ATP6V0A4: variants seen among roughly 807,000 people sequenced by gnomAD.
The protein encoded by ATP6V0A4 is ATPase H+ transporting V0 subunit a4.
In ATP6V0A4, 86 loss-of-function variants were observed where a neutral mutation model predicts 107.3. That is an observed-to-expected ratio of 0.80 (90% CI 0.67 to 0.96). ATP6V0A4 has a LOEUF of 0.96. Among genes scored for constraint, ATP6V0A4 ranks in the 40% least tolerant of loss-of-function variants. The pLI is 0.00. For missense variants in ATP6V0A4, 908 were observed against 1,045.6 expected (o/e 0.87, Z 1.81); for synonymous variants, 353 against 381.4 (o/e 0.93, Z 0.87).
intron 2 of ATP6V0A4, among the ~76,000 whole-genome samples, chr7:138,774,874 C>T (rs1355089313): frequency 6.6e-6 from 1 of 152,078 alleles, no homozygotes. Context: ...TCAGCTTCCG[C>T]TGTGGCCCAG....
chr7:138,785,434 C>T (rs894820724), intron 2 of ATP6V0A4, among the ~76,000 whole-genome samples: 1 of 151,976 alleles, frequency 6.6e-6, no homozygotes, highest in African/African-American at 2.4e-5. Context: ...CACCACCACG[C>T]CCGGTTAATT....
At chr7:138,786,662 G>C (rs2130209363) in intron 1 of ATP6V0A4, among the ~76,000 whole-genome samples, 1 of 151,958 alleles carries the variant, frequency 6.6e-6, no homozygotes, top group East Asian at 1.9e-4. Flanking sequence ...AGGAGAGAGA[G>C]AGAGACAGAT....
At chr7:138,774,305 G>T (rs1807538343) in intron 2 of ATP6V0A4, among the ~76,000 whole-genome samples, 1 of 152,078 alleles carries the variant, frequency 6.6e-6, no homozygotes, top group African/African-American at 2.4e-5. Context: ...GGGGCCGGGC[G>T]CCGTGGCTCA....
chr7:138,784,279 T>TATATATATAC (rs1375136956), intron 2 of ATP6V0A4, among the ~76,000 whole-genome samples: 7 of 35,730 alleles, frequency 2.0e-4, no homozygotes, highest in African/African-American at 6.5e-4. Flanking sequence ...TATATATATA[T>TATATATATAC]ACATATATAT....
chr7:138,757,825 C>T (rs1806586467), intron 8 of ATP6V0A4, among the ~76,000 whole-genome samples: 1 of 152,226 alleles, frequency 6.6e-6, no homozygotes, highest in African/African-American at 2.4e-5. Flanking sequence ...TAGTCAACGT[C>T]ACGTCAACTC....
At chr7:138,743,457 C>G (rs1365435091) in intron 14 of ATP6V0A4, among the ~76,000 whole-genome samples, 2 of 125,344 alleles carry the variant, frequency 1.6e-5, no homozygotes, top group Non-Finnish European at 3.3e-5. Flanking sequence ...GACTCCATCT[C>G]AAAAAAAAAA....
chr7:138,791,571 C>A (rs1808414506), intron 1 of ATP6V0A4, among the ~76,000 whole-genome samples: 1 of 152,134 alleles, frequency 6.6e-6, no homozygotes, highest in African/African-American at 2.4e-5. Flanking sequence ...AATTTAAAAA[C>A]AGCCAAAAAA....
intron 20 of ATP6V0A4, among the ~76,000 whole-genome samples, chr7:138,713,755 G>T (rs1002704158): frequency 5.9e-5 from 9 of 152,086 alleles, no homozygotes; most frequent in African/African-American, 2.2e-4. Flanking sequence ...CAGGCAAGGG[G>T]GCTGCAGGGG....
At chr7:138,753,071 A>T (rs945670572) in intron 10 of ATP6V0A4, among the ~76,000 whole-genome samples, 4 of 152,102 alleles carry the variant, frequency 2.6e-5, no homozygotes, top group Admixed American at 2.6e-4. Flanking sequence ...TCATTGTCCT[A>T]TTGTTATGGG....
At chr7:138,787,181 C>G (rs945458966) in intron 1 of ATP6V0A4, among the ~76,000 whole-genome samples, 6 of 152,176 alleles carry the variant, frequency 3.9e-5, no homozygotes, top group African/African-American at 1.4e-4. Context: ...GGTAGCTTTC[C>G]AGTTGTTTCT....
chr7:138,756,750 G>C (rs1268292530), intron 8 of ATP6V0A4: 1 of 218,122 alleles, frequency 4.6e-6, no homozygotes, highest in African/African-American at 2.4e-5. Flanking sequence ...CAGCCTTAAG[G>C]TGACAGGCTC....
chr7:138,769,160 A>G lies in ATP6V0A4; in HGVS notation c.196+13T>C, dbSNP rs764740028. 4.4e-6 allele frequency: 7 copies of G among 1,607,736 alleles called. No homozygotes were observed. The highest frequency in any genetic ancestry group is 3.3e-5 in the South Asian group (3 of 90,594). On this transcript the variant is annotated intron_variant, in intron 4 of 21. Coordinates refer to ENST00000310018, the MANE Select transcript of ATP6V0A4 (RefSeq NM_020632.3). ...TTTGAACAGTAAGAAAAAAAAAAAA[A>G]AAATTGGCTTACGGAGGATTCTCTC...
At chr7:138,713,741 A>C (rs1803871464) in intron 20 of ATP6V0A4, among the ~76,000 whole-genome samples, 1 of 152,148 alleles carries the variant, frequency 6.6e-6, no homozygotes, top group South Asian at 2.1e-4. Context: ...AGAAGGGACT[A>C]TTTCAGGCAA....
chr7:138,743,599 G>C (rs1805750978), intron 14 of ATP6V0A4, among the ~76,000 whole-genome samples: 1 of 152,214 alleles, frequency 6.6e-6, no homozygotes, highest in Non-Finnish European at 1.5e-5. Flanking sequence ...TGGTGAGCCA[G>C]TAAGACCCGT....
intron 15 of ATP6V0A4, among the ~76,000 whole-genome samples, chr7:138,735,147 G>A (rs1469646872): frequency 1.3e-5 from 2 of 152,136 alleles, no homozygotes. Flanking sequence ...TGGTCGTGCA[G>A]GGGGCTGGTG....
intron 3 of ATP6V0A4, among the ~76,000 whole-genome samples, chr7:138,769,636 C>G (rs1256121134): frequency 1.3e-5 from 2 of 152,068 alleles, no homozygotes. Context: ...ATTTTATTAT[C>G]TTTTTAATAC....
chr7:138,752,643 C>A lies in ATP6V0A4; in HGVS notation c.1011G>T (p.Arg337Ser). The A allele has an allele frequency of 1.2e-6, 2 of 1,613,600 alleles. No homozygotes were observed. Among genetic ancestry groups the A allele is most frequent in the Non-Finnish European group, 1.7e-6 (2 of 1,179,878 alleles). ...CACGCACCATGCCTTGCTCCAGTGC[C>A]CTCTTGATACGTGTGGCATCTGCCA... The part of the protein sequence containing the change: ...FPVADATRIK[R>S]ALEQGMELSG... Residue 337 changes from arginine to serine, a missense_variant, in exon 11 of 22, where the codon AGG (arginine) becomes AGT (serine). Arg to Ser is a moderately radical substitution (Grantham distance 110, BLOSUM62 -1). Transcript: ENST00000310018.
At chr7:138,769,009 G>T (rs1450849013) in intron 4 of ATP6V0A4, 135 bp from the exon 5 acceptor site, 15 of 1,569,008 alleles carry the variant, frequency 9.6e-6, no homozygotes, top group Non-Finnish European at 1.3e-5. Context: ...ACAGCACCTG[G>T]ATCCCACCCC....
intron 2 of ATP6V0A4, among the ~76,000 whole-genome samples, chr7:138,776,342 G>A (rs755324950): frequency 2.6e-5 from 4 of 152,210 alleles, no homozygotes; most frequent in Non-Finnish European, 4.4e-5. Flanking sequence ...GAGGAAAGGA[G>A]TTGCTTGCGT....
Sources: gnomAD v4.1 joint callset for allele counts (sites outside exome capture counted in the v4.1 genomes callset) on GRCh38, gnomAD v4.1.1 for gene constraint, MANE v1.5 for transcripts, NCBI Gene and HGNC (gene_info 2026-07-23, HGNC 2026-07-21) for gene names.